Variants in RNF150 observed in about 807,000 individuals in gnomAD.
RNF150 encodes the protein ring finger protein 150.
A neutral mutation model predicts 39.3 loss-of-function variants in RNF150; 24 were observed. The ratio of observed to expected loss-of-function variants is 0.61; its 90% CI spans 0.44 to 0.86. The LOEUF is 0.86. Among genes scored for constraint, RNF150 ranks in the 40% least tolerant of loss-of-function variants. RNF150 has a pLI of 0.00. For missense variants in RNF150, 502 were observed against 587.8 expected (o/e 0.85, Z 1.51); for synonymous variants, 255 against 227.3 (o/e 1.12, Z -1.10).
chr4:140,977,814 GCT>G (rs1197944877), intron 1 of RNF150, among the ~76,000 whole-genome samples: 1 of 152,018 alleles, frequency 6.6e-6, no homozygotes, highest in African/African-American at 2.4e-5. Context: ...CTAAATTATT[GCT>G]CTCTGCCTTG....
At chr4:141,168,797 G>A (rs1166704622) in intron 1 of RNF150, among the ~76,000 whole-genome samples, 1 of 152,280 alleles carries the variant, frequency 6.6e-6, no homozygotes, top group South Asian at 2.1e-4. Context: ...CCTGTCAGGG[G>A]GTGGGGAGTT....
intron 1 of RNF150, among the ~76,000 whole-genome samples, chr4:141,084,941 T>C (rs1021656437): frequency 6.6e-6 from 1 of 152,148 alleles, no homozygotes; most frequent in Admixed American, 6.5e-5. Context: ...GCCAATATAA[T>C]ATGGCAAAGT....
chr4:140,989,955 C>G (rs567880904), intron 1 of RNF150, among the ~76,000 whole-genome samples: 1 of 152,146 alleles, frequency 6.6e-6, no homozygotes, highest in Non-Finnish European at 1.5e-5. Context: ...CATGGACTTA[C>G]CTGCATAAAA....
At chr4:141,006,005 T>C (rs552537045) in intron 1 of RNF150, among the ~76,000 whole-genome samples, 55 of 126,634 alleles carry the variant, frequency 4.3e-4, no homozygotes, top group African/African-American at 1.4e-3. Flanking sequence ...GGAGGCGGAG[T>C]TTGCAGTGAG....
intron 5 of RNF150, among the ~76,000 whole-genome samples, chr4:140,912,959 T>TAGAAAAA (rs1560962313): frequency 2.9e-5 from 4 of 138,138 alleles, no homozygotes; most frequent in African/African-American, 8.2e-5. Context: ...CATCAGAACA[T>TAGAAAAA]AAAAAAAAAA....
chr4:141,137,992 C>G (rs868018652), upstream of RNF150, among the ~76,000 whole-genome samples: 1 of 152,226 alleles, frequency 6.6e-6, no homozygotes. Context: ...ATACAGCATA[C>G]GTTTCTGAGA....
At chr4:141,059,952 A>G (rs996328923) in intron 1 of RNF150, among the ~76,000 whole-genome samples, 2 of 152,182 alleles carry the variant, frequency 1.3e-5, no homozygotes, top group African/African-American at 4.8e-5. Context: ...GGTAAATTCT[A>G]TCTCCAAATG....
chr4:141,005,458 T>C (rs1734829389), intron 1 of RNF150, among the ~76,000 whole-genome samples: 2 of 152,104 alleles, frequency 1.3e-5, no homozygotes, highest in African/African-American at 4.8e-5. Context: ...AGAAAAGATA[T>C]ACCCAAGAGA....
chr4:141,180,821 C>G (rs938352300), intron 1 of RNF150, among the ~76,000 whole-genome samples: 4 of 151,984 alleles, frequency 2.6e-5, no homozygotes, highest in Admixed American at 1.3e-4. Context: ...TGTTGTTTTC[C>G]TTTTTCCATG....
intron 1 of RNF150, among the ~76,000 whole-genome samples, chr4:141,087,035 C>T (rs773898087): frequency 8.6e-5 from 13 of 151,916 alleles, no homozygotes; most frequent in African/African-American, 2.7e-4. Flanking sequence ...AAGTTTTTTA[C>T]ATAGATAAAC....
chr4:141,212,470 C>T (rs965899898), intron 1 of RNF150, among the ~76,000 whole-genome samples: 1 of 152,090 alleles, frequency 6.6e-6, no homozygotes, highest in African/African-American at 2.4e-5. Flanking sequence ...TAAACATATG[C>T]TTGAAGGTGG....
chr4:140,907,367 A>C lies in RNF150; in HGVS notation c.1198+3777T>G, dbSNP rs549195643. On this transcript the variant is annotated intron_variant, in intron 6 of 6. Coordinates refer to ENST00000515673, the MANE Select transcript of RNF150 (RefSeq NM_020724.2). ...AAAAACATCTTTCTTCTAATGTCAG[A>C]CTTGCAACAAGTTTGAATTTCCTTG... 3.3e-5 allele frequency among the ~76,000 whole-genome samples: 5 copies of C among 152,324 alleles called. No homozygotes were observed. The South Asian group carries it at 1.0e-3, about 32-fold the overall frequency.
intron 5 of RNF150, among the ~76,000 whole-genome samples, chr4:140,914,363 G>A (rs1455009257): frequency 6.6e-6 from 1 of 152,226 alleles, no homozygotes; most frequent in Non-Finnish European, 1.5e-5. Context: ...ATACCTCTGA[G>A]AGAAGACACA....
upstream of RNF150, among the ~76,000 whole-genome samples, chr4:141,133,802 G>C (rs1442100511): frequency 6.6e-6 from 1 of 152,132 alleles, no homozygotes; most frequent in East Asian, 1.9e-4. Flanking sequence ...GTGTAAGGTG[G>C]TTTGGTATTG....
Position 140,967,819 on chromosome 4 carries a change from A to T in RNF150, c.539T>A (p.Val180Glu). Residue 180 changes from valine to glutamate, a missense_variant, in exon 2 of 7, where the codon GTA (valine) becomes GAA (glutamate). Physicochemically the swap from Val to Glu is moderately radical, Grantham distance 121. Coordinates refer to ENST00000515673, the MANE Select transcript of RNF150 (RefSeq NM_020724.2). ...GGTGATGTTTCTTTCCAGCAGGCTT[A>T]CTATCTCCTTCCCTTTTGGCTCAGG... ...MIPEPKGKEI[V>E]SLLERNITVT... 1 of 1,613,460 alleles carries T rather than the reference A, an allele frequency of 6.2e-7. No homozygotes were observed. Among genetic ancestry groups the T allele is most frequent in the Non-Finnish European group, 8.5e-7 (1 of 1,179,582 alleles).
At chr4:141,136,374 A>G (rs187383031), upstream of RNF150, among the ~76,000 whole-genome samples, 9 of 152,304 alleles carry the variant, frequency 5.9e-5, no homozygotes, top group African/African-American at 2.2e-4. Context: ...ATGATTATCT[A>G]TGACATATTG....
At chr4:140,886,147 C>T (rs538900740) in intron 6 of RNF150, among the ~76,000 whole-genome samples, 60 of 146,422 alleles carry the variant, frequency 4.1e-4, no homozygotes, top group African/African-American at 1.3e-3. Context: ...GCCGGGATAG[C>T]GCCACTGCGC....
chr4:141,010,667 T>C (rs1354571779), intron 1 of RNF150, among the ~76,000 whole-genome samples: 1 of 152,120 alleles, frequency 6.6e-6, no homozygotes, highest in Non-Finnish European at 1.5e-5. Flanking sequence ...AGGGACTGCG[T>C]GAGCATGTGT....
chr4:141,097,047 T>C (rs1738814315), intron 1 of RNF150, among the ~76,000 whole-genome samples: 1 of 152,180 alleles, frequency 6.6e-6, no homozygotes, highest in African/African-American at 2.4e-5. Flanking sequence ...AACGGAAAAA[T>C]GATCATCCAA....
Sources: gnomAD v4.1 joint callset for allele counts (sites outside exome capture counted in the v4.1 genomes callset) on GRCh38, gnomAD v4.1.1 for gene constraint, MANE v1.5 for transcripts, NCBI Gene and HGNC (gene_info 2026-07-23, HGNC 2026-07-21) for gene names.